LTAP1: variants seen among roughly 807,000 people sequenced by gnomAD.
LTAP1 encodes lipid transport auxiliary protein 1, also known as HCV NS5A-transactivated protein 4.
At chr1:154,212,504 A>G in the LTAP1 span, 60 of 1,614,208 alleles carry the variant, frequency 3.7e-5, no homozygotes, top group East Asian at 1.3e-3. Flanking sequence ...AAGGGTATCA[A>G]TGAGTGCTTT....
chr1:154,217,814 C>T, the LTAP1 span, among the ~76,000 whole-genome samples: 1 of 152,050 alleles, frequency 6.6e-6, no homozygotes, highest in Non-Finnish European at 1.5e-5. Context: ...CCGGCCCACT[C>T]AGCATGTTTT....
At chr1:154,212,816 C>T in the LTAP1 span, 1 of 586,840 alleles carries the variant, frequency 1.7e-6, no homozygotes, top group African/African-American at 1.9e-5. Flanking sequence ...TGTGCACCAC[C>T]ATGCCAGGCT....
chr1:154,209,088 T>G, the LTAP1 span, among the ~76,000 whole-genome samples: 1 of 152,192 alleles, frequency 6.6e-6, no homozygotes, highest in Admixed American at 6.6e-5. Context: ...AAAATACATG[T>G]AACATAAAAT....
the LTAP1 span, chr1:154,220,189 T>C: frequency 1.0e-6 from 1 of 987,594 alleles, no homozygotes; most frequent in South Asian, 1.4e-5. Context: ...CCCGACTAAG[T>C]GACTTAAACT....
chr1:154,212,710 G>C, the LTAP1 span: 22 of 1,476,204 alleles, frequency 1.5e-5, no homozygotes, highest in Non-Finnish European at 1.8e-5. Context: ...ACCCGGGCTG[G>C]AGTGCAGTGG....
the LTAP1 span, chr1:154,219,976 AGTTTT>A: frequency 1.7e-4 from 253 of 1,480,782 alleles, 2 homozygotes; most frequent in African/African-American, 3.4e-3. Flanking sequence ...ATAAAAAGTC[AGTTTT>A]GTTTTGTTTT....
chr1:154,212,729 T>C, the LTAP1 span: 1 of 1,280,464 alleles, frequency 7.8e-7, no homozygotes, highest in Non-Finnish European at 1.1e-6. Context: ...GGCAGTGATC[T>C]TGGCTCACTG....
At chr1:154,216,127 G>A in the LTAP1 span, among the ~76,000 whole-genome samples, 7 of 152,026 alleles carry the variant, frequency 4.6e-5, no homozygotes, top group South Asian at 4.2e-4. Flanking sequence ...GTGAGCCACC[G>A]CGCCCGGCCC....
At chr1:154,212,508 G>C in the LTAP1 span, 1 of 1,614,178 alleles carries the variant, frequency 6.2e-7, no homozygotes, top group Middle Eastern at 1.6e-4. Flanking sequence ...GTATCAATGA[G>C]TGCTTTGCGT....
At chr1:154,210,713 A>C in the LTAP1 span, among the ~76,000 whole-genome samples, 1 of 152,010 alleles carries the variant, frequency 6.6e-6, no homozygotes, top group Non-Finnish European at 1.5e-5. Flanking sequence ...TCCTGACCTT[A>C]GATGATCCAC....
chr1:154,220,207 A>C, the LTAP1 span: 2 of 1,100,056 alleles, frequency 1.8e-6, no homozygotes, highest in Non-Finnish European at 2.8e-6. Flanking sequence ...ACTCCCACCT[A>C]CTCCTGGAAT....
chr1:154,217,874 G>A, the LTAP1 span, among the ~76,000 whole-genome samples: 1 of 152,048 alleles, frequency 6.6e-6, no homozygotes, highest in Admixed American at 6.6e-5. Context: ...TTGAGGACTT[G>A]TCTTCATATA....
the LTAP1 span, among the ~76,000 whole-genome samples, chr1:154,215,805 T>C: frequency 1.3e-5 from 2 of 151,690 alleles, no homozygotes; most frequent in South Asian, 4.2e-4. Flanking sequence ...ATAACCAATA[T>C]CCAGTTTATG....
At chr1:154,212,173 G>T in the LTAP1 span, 1 of 903,484 alleles carries the variant, frequency 1.1e-6, no homozygotes, top group East Asian at 2.4e-5. Flanking sequence ...GCTTTCTAAT[G>T]TAAGAGACTG....
chr1:154,215,358 A>T, the LTAP1 span, among the ~76,000 whole-genome samples: 1 of 152,078 alleles, frequency 6.6e-6, no homozygotes, highest in Non-Finnish European at 1.5e-5. Flanking sequence ...CAAGGTCAGG[A>T]GATCGAGACC....
the LTAP1 span, chr1:154,214,538 C>T: frequency 1.9e-6 from 3 of 1,613,698 alleles, no homozygotes; most frequent in South Asian, 1.1e-5. Flanking sequence ...ATATCCTGAA[C>T]CCTGGAGAGT....
the LTAP1 span, among the ~76,000 whole-genome samples, chr1:154,213,007 T>C: frequency 2.4e-4 from 37 of 152,126 alleles, no homozygotes; most frequent in Admixed American, 1.9e-3. Flanking sequence ...TCCCCAAACT[T>C]AGAAGTAGGT....
At chr1:154,216,916 T>C in the LTAP1 span, among the ~76,000 whole-genome samples, 4,691 of 152,116 alleles carry the variant, frequency 0.031, 234 homozygotes, top group African/African-American at 0.11. Context: ...CCCAAAGTGC[T>C]AGGATTACAG....
At chr1:154,220,113 C>T in the LTAP1 span, 1 of 719,548 alleles carries the variant, frequency 1.4e-6, no homozygotes, top group Non-Finnish European at 2.3e-6. Context: ...AAGCCAGCAG[C>T]AGGGAGGCGT....
Sources: allele counts gnomAD v4.1 joint callset (sites outside exome capture counted in the v4.1 genomes callset), GRCh38; gene constraint gnomAD v4.1.1; transcripts MANE v1.5; gene names NCBI Gene and HGNC (gene_info 2026-07-23, HGNC 2026-07-21).